TWSG1: variants seen among roughly 807,000 people sequenced by gnomAD.
TWSG1 encodes the protein twisted gastrulation protein homolog 1.
A neutral mutation model predicts 23.0 loss-of-function variants in TWSG1; 15 were observed. That is an observed-to-expected ratio of 0.65 (90% confidence interval 0.44 to 1.00). The LOEUF (loss-of-function observed/expected upper bound fraction) is 1.00. TWSG1 is among the 50% of genes least tolerant of loss of function. TWSG1 has a pLI of 0.00. For missense variants in TWSG1, 242 were observed against 278.7 expected, an observed-to-expected ratio of 0.87 and a Z score of 0.94; for synonymous variants, 86 against 92.8, an observed-to-expected ratio of 0.93 and a Z score of 0.42.
At chr18:9,353,215 A>G (rs1811435610) in intron 2 of TWSG1, among the ~76,000 whole-genome samples, 1 of 82,134 alleles carries the variant, frequency 1.2e-5, no homozygotes, top group Admixed American at 1.3e-4. Flanking sequence ...AGAATTGCCT[A>G]AGGATGCATT....
At chr18:9,396,208 A>G in intron 3 of TWSG1, 72 bp from the exon 4 acceptor site, 3 of 1,299,216 alleles carry the variant, frequency 2.3e-6, no homozygotes, top group Non-Finnish European at 3.2e-6. Flanking sequence ...GAAGTTACAT[A>G]ATTTTAATGT....
At chr18:9,393,704 C>T (rs1028345370) in intron 3 of TWSG1, among the ~76,000 whole-genome samples, 3 of 152,006 alleles carry the variant, frequency 2.0e-5, no homozygotes, top group East Asian at 1.9e-4. Context: ...ACTACAAGCA[C>T]GCATCATCAT....
chr18:9,344,517 G>GTGTGTGTGTGTGTGTGTGTGTA (rs1555650744), intron 2 of TWSG1, among the ~76,000 whole-genome samples: 139 of 105,774 alleles, frequency 1.3e-3, no homozygotes, highest in Non-Finnish European at 2.0e-3. Flanking sequence ...GTGTGTGTGT[G>GTGTGTGTGTGTGTGTGTGTGTA]TGTGTATGTA....
intron 1 of TWSG1, among the ~76,000 whole-genome samples, chr18:9,335,308 T>C (rs937275536): frequency 1.3e-5 from 2 of 152,246 alleles, no homozygotes; most frequent in African/African-American, 4.8e-5. Context: ...GGCTCTGCCC[T>C]GGTCGCTGTC....
intron 2 of TWSG1, among the ~76,000 whole-genome samples, chr18:9,349,772 T>C (rs2040493197): frequency 6.6e-6 from 1 of 152,254 alleles, no homozygotes; most frequent in Non-Finnish European, 1.5e-5. Flanking sequence ...TGTAAAATGT[T>C]TTCTCTTTTC....
chr18:9,365,450 G>A (rs1478808637), intron 3 of TWSG1, among the ~76,000 whole-genome samples: 6 of 152,144 alleles, frequency 3.9e-5, no homozygotes, highest in East Asian at 1.9e-4. Context: ...CAAGGCAGGC[G>A]GATCACTTAA....
intron 2 of TWSG1, among the ~76,000 whole-genome samples, chr18:9,337,955 A>T (rs1038276009): frequency 6.6e-6 from 1 of 152,196 alleles, no homozygotes; most frequent in African/African-American, 2.4e-5. Context: ...TCCAATCATC[A>T]AGGCAGGCCT....
At chr18:9,365,708 G>GA (rs201775692) in intron 3 of TWSG1, among the ~76,000 whole-genome samples, 3,723 of 151,498 alleles carry the variant, frequency 0.025, 136 homozygotes, top group African/African-American at 0.087. Flanking sequence ...GAAAGGAAAA[G>GA]AAAAAAACTA....
Position 9,399,504 on chromosome 18 carries a change from A to C in TWSG1, c.649A>C (p.Lys217Gln). 1 of 1,608,572 alleles carries C rather than the reference A, an allele frequency of 6.2e-7. No homozygotes were observed. The highest frequency in any genetic ancestry group is 8.5e-7 in the Non-Finnish European group (1 of 1,178,662). The change falls in exon 5 of 5, where the codon AAA becomes CAA. Residue 217 changes from lysine to glutamine, a missense_variant. Transcript: ENST00000262120. ...ECIDYGSKTVKCMNCMF is the reference protein window; with the variant it reads ...ECIDYGSKTVQCMNCMF ...TATTGACTATGGTAGTAAAACTGTC[A>C]AATGTATGAACTGCATGTTTTAAAG...
chr18:9,393,291 G>C (rs796457691), intron 3 of TWSG1, among the ~76,000 whole-genome samples: 6 of 152,290 alleles, frequency 3.9e-5, no homozygotes, highest in African/African-American at 1.4e-4. Context: ...AGTAACTATT[G>C]CTACTAAACA....
At chr18:9,358,964 G>A (rs2040539853) in intron 2 of TWSG1, among the ~76,000 whole-genome samples, 1 of 152,166 alleles carries the variant, frequency 6.6e-6, no homozygotes, top group East Asian at 1.9e-4. Context: ...TTCAGGACTG[G>A]CAGTCTGGTG....
intron 3 of TWSG1, among the ~76,000 whole-genome samples, chr18:9,364,956 A>G (rs1309696795): frequency 6.6e-6 from 1 of 152,254 alleles, no homozygotes; most frequent in Admixed American, 6.5e-5. Flanking sequence ...GAAATGATGA[A>G]TGATTTAATA....
intron 3 of TWSG1, among the ~76,000 whole-genome samples, chr18:9,383,900 T>TA (rs2040670622): frequency 1.3e-5 from 2 of 152,320 alleles, no homozygotes; most frequent in South Asian, 4.1e-4. Context: ...GTATTGAAGT[T>TA]ACTAGTAAGT....
At chr18:9,388,354 A>G (rs2145630891) in intron 3 of TWSG1, 1 of 152,386 alleles carries the variant, frequency 6.6e-6, no homozygotes, top group East Asian at 1.9e-4. Context: ...ACAATATGAC[A>G]TTGAACAAGG....
chr18:9,356,903 A>T (rs186401409), intron 2 of TWSG1, among the ~76,000 whole-genome samples: 1 of 151,960 alleles, frequency 6.6e-6, no homozygotes, highest in East Asian at 1.9e-4. Context: ...TATTTTCTAC[A>T]TATAAAGTAA....
intron 3 of TWSG1, among the ~76,000 whole-genome samples, chr18:9,373,233 C>A (rs2040614358): frequency 6.6e-6 from 1 of 152,152 alleles, no homozygotes; most frequent in Middle Eastern, 3.2e-3. Flanking sequence ...ATGCACCTAA[C>A]AACAGCATTA....
At chr18:9,341,752 C>A (rs1048419728) in intron 2 of TWSG1, among the ~76,000 whole-genome samples, 1 of 151,566 alleles carries the variant, frequency 6.6e-6, no homozygotes, top group African/African-American at 2.4e-5. Flanking sequence ...CTCTTTATTC[C>A]TGATGTAAGT....
intron 2 of TWSG1, among the ~76,000 whole-genome samples, chr18:9,357,590 T>C (rs969362106): frequency 5.3e-5 from 8 of 152,214 alleles, no homozygotes; most frequent in African/African-American, 1.9e-4. Context: ...ATAGTTACAT[T>C]GCACTAGTTA....
intron 1 of TWSG1, among the ~76,000 whole-genome samples, chr18:9,336,706 G>C (rs2040425042): frequency 6.6e-6 from 1 of 152,154 alleles, no homozygotes; most frequent in South Asian, 2.1e-4. Context: ...CAGTATTGAA[G>C]CTAGTTATTT....
Sources: gnomAD v4.1 joint callset for allele counts (sites outside exome capture counted in the v4.1 genomes callset) on GRCh38, gnomAD v4.1.1 for gene constraint, MANE v1.5 for transcripts, NCBI Gene and HGNC (gene_info 2026-07-23, HGNC 2026-07-21) for gene names.